The following KMT2C variants were observed in gnomAD, a reference collection of about 807,000 sequenced individuals.
KMT2C encodes the protein histone-lysine N-methyltransferase 2C.
Under a neutral mutation model 507.9 loss-of-function variants are expected in KMT2C, and 88 were observed. The ratio of observed to expected loss-of-function variants is 0.17; its 90% CI spans 0.15 to 0.21. The LOEUF (loss-of-function observed/expected upper bound fraction) is 0.21, where lower values mean the gene tolerates loss of function less well. KMT2C is among the 10% of genes least tolerant of loss of function. The pLI is 1.00. For synonymous variants in KMT2C, 2,049 were observed against 2,080.8 expected, an observed-to-expected ratio of 0.98 and a Z score of 0.42; for missense variants, 4,954 against 5,957.8, an observed-to-expected ratio of 0.83 and a Z score of 5.55.
chr7:152,401,307 C>T (rs1314682098), intron 1 of KMT2C, among the ~76,000 whole-genome samples: 2 of 151,892 alleles, frequency 1.3e-5, no homozygotes, highest in South Asian at 2.1e-4. Context: ...CTCGGCCTCC[C>T]GCCCTCAGGT....
At chr7:152,393,997 C>G (rs2097521633) in intron 1 of KMT2C, among the ~76,000 whole-genome samples, 1 of 151,968 alleles carries the variant, frequency 6.6e-6, no homozygotes, top group Admixed American at 6.6e-5. Flanking sequence ...TTCATCTTTA[C>G]TGGTCATTGA....
intron 55 of KMT2C, 75 bp from the exon 56 acceptor site, chr7:152,139,866 A>G: frequency 9.9e-7 from 1 of 1,012,196 alleles, no homozygotes; most frequent in Non-Finnish European, 1.5e-6. Flanking sequence ...CAAAGGTTTC[A>G]CCCTCGGGTC....
At chr7:152,240,459 C>G (rs1222338427) in intron 14 of KMT2C, among the ~76,000 whole-genome samples, 1 of 152,058 alleles carries the variant, frequency 6.6e-6, no homozygotes, top group African/African-American at 2.4e-5. Context: ...GGGCTTGAGC[C>G]TAGATCCTAA....
intron 1 of KMT2C, among the ~76,000 whole-genome samples, chr7:152,388,427 T>C (rs1406554139): frequency 1.3e-5 from 2 of 151,934 alleles, no homozygotes; most frequent in South Asian, 2.1e-4. Context: ...GGCATGGTGG[T>C]GTGTGCCAGT....
At chr7:152,270,756 A>G (rs2095949331) in intron 7 of KMT2C, among the ~76,000 whole-genome samples, 1 of 152,216 alleles carries the variant, frequency 6.6e-6, no homozygotes, top group Non-Finnish European at 1.5e-5. Context: ...ATTTCCAGAC[A>G]AGGTTAATGT....
intron 13 of KMT2C, among the ~76,000 whole-genome samples, chr7:152,249,568 ATCT>A (rs2095529455): frequency 1.3e-5 from 2 of 149,504 alleles, no homozygotes; most frequent in Non-Finnish European, 3.0e-5. Context: ...CTGAAATCTC[ATCT>A]TCTTTCCCAC....
At chr7:152,145,393 A>G (rs2091000939) in intron 53 of KMT2C, 98 bp from the exon 54 acceptor site, 2 of 1,204,086 alleles carry the variant, frequency 1.7e-6, no homozygotes, top group Non-Finnish European at 2.3e-6. Context: ...GAAATAACTC[A>G]TCAGCGTTTT....
rs746202687 is a variant in KMT2C at position 152,221,973 on chromosome 7, A to C, written c.3499+28T>G. 2.0e-6 allele frequency: 3 copies of C among 1,535,566 alleles called. No homozygotes were observed. In the South Asian group the frequency reaches 3.6e-5, roughly 19 times the overall value. ...AAAAATTAAGCAAAGTAAATTAATT[A>C]AATCAAGTAAAGCATTTCAAATTTT... On this transcript the variant is annotated intron_variant, in intron 22 of 58. Coordinates refer to ENST00000262189, the MANE Select transcript of KMT2C (RefSeq NM_170606.3).
chr7:152,194,590 A>C, intron 28 of KMT2C, 22 bp from the exon 29 acceptor site: 2 of 1,602,438 alleles, frequency 1.2e-6, no homozygotes, highest in Non-Finnish European at 1.7e-6. Context: ...AGGAAAATAA[A>C]TTTAAAGGTA....
At chr7:152,389,975 A>G (rs1589672862) in intron 1 of KMT2C, among the ~76,000 whole-genome samples, 1 of 152,214 alleles carries the variant, frequency 6.6e-6, no homozygotes, top group Non-Finnish European at 1.5e-5. Context: ...AAAATCAAAT[A>G]CCACATGGTC....
chr7:152,375,722 A>C (rs2097324236), intron 1 of KMT2C, among the ~76,000 whole-genome samples: 1 of 151,970 alleles, frequency 6.6e-6, no homozygotes, highest in South Asian at 2.1e-4. Context: ...AGCAGCATGC[A>C]CTCACTTTGT....
intron 55 of KMT2C, among the ~76,000 whole-genome samples, chr7:152,143,844 C>T (rs553631362): frequency 3.0e-4 from 46 of 152,290 alleles, no homozygotes; most frequent in African/African-American, 1.1e-3. Flanking sequence ...GACAAAGGAA[C>T]GCTGATCCAG....
chr7:152,379,259 G>A (rs1220617749), intron 1 of KMT2C, among the ~76,000 whole-genome samples: 1 of 152,080 alleles, frequency 6.6e-6, no homozygotes, highest in Admixed American at 6.6e-5. Flanking sequence ...CGTAGTTAAG[G>A]CCAGGGTGCA....
chr7:152,183,094 G>A lies in KMT2C; in HGVS notation c.5145C>T (p.Ser1715=), dbSNP rs763127443. ...RINKVQMSND[S]MKRQQQQDSI... is the part of the protein sequence containing the mutation. ...TATCTTGCTGTTGCTGCCTTTTCAT[G>A]GAATCATTTGACATCTGTACTTTAT... The change falls in exon 35 of 59, where the codon TCC becomes TCT. Residue 1715 remains serine (S), a synonymous_variant. Coordinates refer to ENST00000262189, the MANE Select transcript of KMT2C (RefSeq NM_170606.3). The A allele has an allele frequency of 1.2e-6, 2 of 1,612,590 alleles. No individual in the cohort carries two copies. Among genetic ancestry groups the A allele is most frequent in the Non-Finnish European group, 1.7e-6 (2 of 1,179,400 alleles).
At chr7:152,290,218 A>ATGTGTGTGTG (rs1453293217) in intron 6 of KMT2C, among the ~76,000 whole-genome samples, 1 of 108,744 alleles carries the variant, frequency 9.2e-6, no homozygotes, top group African/African-American at 4.3e-5. Flanking sequence ...TTTTATATAT[A>ATGTGTGTGTG]TATGTGTGTG....
At chr7:152,230,864 C>T (rs1212142809) in intron 16 of KMT2C, among the ~76,000 whole-genome samples, 1 of 152,190 alleles carries the variant, frequency 6.6e-6, no homozygotes, top group African/African-American at 2.4e-5. Flanking sequence ...GTTGCCCAGG[C>T]TGGAGTGTAA....
At chr7:152,194,924 G>A (rs184444598) in intron 28 of KMT2C, among the ~76,000 whole-genome samples, 9 of 151,604 alleles carry the variant, frequency 5.9e-5, no homozygotes, top group Non-Finnish European at 1.2e-4. Context: ...GGAAAATAGT[G>A]TTATCAAATG....
chr7:152,301,160 G>C (rs2096563910), intron 6 of KMT2C, among the ~76,000 whole-genome samples: 1 of 149,284 alleles, frequency 6.7e-6, no homozygotes, highest in South Asian at 2.1e-4. Flanking sequence ...CCCAGGAATT[G>C]AGACCAACCT....
At chr7:152,321,470 GA>G (rs1309755672) in intron 3 of KMT2C, among the ~76,000 whole-genome samples, 2 of 151,720 alleles carry the variant, frequency 1.3e-5, no homozygotes, top group Non-Finnish European at 2.9e-5. Flanking sequence ...AGGAAAGGAA[GA>G]AGTGAAACTG....
Sources: allele counts gnomAD v4.1 joint callset (sites outside exome capture counted in the v4.1 genomes callset), GRCh38; gene constraint gnomAD v4.1.1; transcripts MANE v1.5; gene names NCBI Gene and HGNC (gene_info 2026-07-23, HGNC 2026-07-21).